Variants in CPEB2 observed in about 807,000 individuals in gnomAD.
The protein encoded by CPEB2 is cytoplasmic polyadenylation element binding protein 2, also known as cytoplasmic polyadenylation element-binding protein 2.
A neutral mutation model predicts 93.6 loss-of-function variants in CPEB2; 56 were observed. The observed-to-expected ratio is 0.60, with a 90% CI of 0.48 to 0.75. CPEB2 has a LOEUF of 0.75. Ranked by LOEUF, CPEB2 falls within the 30% of genes least tolerant of loss-of-function variation. CPEB2 has a pLI of 0.00. For synonymous variants in CPEB2, 764 were observed against 586.3 expected, an observed-to-expected ratio of 1.30 and a Z score of -4.38; for missense variants, 1,579 against 1,395.1, an observed-to-expected ratio of 1.13 and a Z score of -2.10.
chr4:15,062,011 A>C (rs1232058157), intron 10 of CPEB2, 68 bp from the exon 11 acceptor site: 2 of 1,387,790 alleles, frequency 1.4e-6, no homozygotes, highest in Non-Finnish European at 2.0e-6. Context: ...CGTTTTACAA[A>C]AAGTACTTAA....
chr4:15,002,817 G>C lies in CPEB2; in HGVS notation c.144G>C (p.Leu48=). ...CCTCCGCCACGCCCTTCGGCCCACT[G>C]TCGCCACCACCGTTGCCTGTCACCG... ...PLPSATPFGP[L]SPPPLPVTGF... is the part of the protein sequence containing the mutation. The change falls in exon 1 of 12, where the codon CTG becomes CTC. Residue 48 remains leucine, a synonymous_variant. Coordinates refer to ENST00000538197, the MANE Select transcript of CPEB2 (RefSeq NM_001177382.2). 6.5e-7 allele frequency: 1 copy of C among 1,535,378 alleles called. No homozygotes were observed. Among genetic ancestry groups the C allele is most frequent in the Middle Eastern group, 1.7e-4 (1 of 5,938 alleles).
chr4:15,065,655 T>C (rs956010090), intron 11 of CPEB2, among the ~76,000 whole-genome samples: 1 of 152,086 alleles, frequency 6.6e-6, no homozygotes, highest in East Asian at 1.9e-4. Context: ...TTATATCTTA[T>C]AAATTTACAG....
rs28651813 is a variant in CPEB2, at chr4:15,016,696, C to T, written c.2035-492C>T. ...TTACCGTATAAGATGTTTATGCACT[C>T]ATTATTAAATTCAGACTACTATGTC... On this transcript the variant is annotated intron_variant, in intron 3 of 11. Coordinates refer to ENST00000538197, the MANE Select transcript of CPEB2 (RefSeq NM_001177382.2). Among the ~76,000 whole-genome samples the T allele has an allele frequency of 6.5e-3, 993 of 152,030 alleles. 7 individuals carry two copies. Among genetic ancestry groups the T allele is most frequent in the African/African-American group, 0.023 (945 of 41,502 alleles).
chr4:15,013,153 G>A (rs1162620727), intron 3 of CPEB2, among the ~76,000 whole-genome samples: 1 of 151,804 alleles, frequency 6.6e-6, no homozygotes, highest in African/African-American at 2.4e-5. Flanking sequence ...GTAAGTGTTT[G>A]TGGCAAATGT....
At chr4:15,021,302 A>G (rs1577391521) in intron 4 of CPEB2, among the ~76,000 whole-genome samples, 1 of 152,210 alleles carries the variant, frequency 6.6e-6, no homozygotes, top group South Asian at 2.1e-4. Flanking sequence ...TTTCAAAGGA[A>G]GATCATGGAT....
intron 6 of CPEB2, among the ~76,000 whole-genome samples, chr4:15,043,469 T>C (rs1727376566): frequency 6.6e-6 from 1 of 152,142 alleles, no homozygotes; most frequent in African/African-American, 2.4e-5. Flanking sequence ...GAGCTGACTT[T>C]AATATATGGA....
intron 6 of CPEB2, among the ~76,000 whole-genome samples, chr4:15,046,142 A>G (rs1386900224): frequency 6.6e-6 from 1 of 152,226 alleles, no homozygotes; most frequent in East Asian, 1.9e-4. Context: ...TTACTAGTTC[A>G]TAGAGCAAGT....
In CPEB2 at chr4:15,004,052, C is replaced by G; in HGVS notation, c.1379C>G (p.Ala460Gly). Residue 460 changes from alanine to glycine, a missense_variant, in exon 1 of 12, where the codon GCC (alanine) becomes GGC (glycine). By Grantham distance (60) the Ala-to-Gly change is moderately conservative. Transcript: ENST00000538197. ...GGGCTGCCGTCGTCCATGAACCCGG[C>G]CTTCTTCCCTAGCTTCTCGCCCGTG... is the stretch of plus-strand genomic sequence containing the variant. ...YPGLPSSMNP[A>G]FFPSFSPVSP... is the part of the protein sequence containing the mutation. The G allele has an allele frequency of 3.8e-6, 6 of 1,566,804 alleles. No individual in the cohort carries two copies. Among genetic ancestry groups the G allele is most frequent in the Non-Finnish European group, 5.2e-6 (6 of 1,159,254 alleles).
Position 15,052,391 on chromosome 4 carries a change from G to T in CPEB2, c.2201-23G>T, listed in dbSNP as rs372253444. 8.5e-5 allele frequency: 118 copies of T among 1,387,768 alleles called. No individual in the cohort carries two copies. The African/African-American group carries it at 1.5e-3, about 17-fold the overall frequency. The allele number at this position is 1,387,768 out of a possible 1,614,324, so 86.0% of individuals were successfully genotyped here. A position where few individuals can be genotyped will look rare whatever the true frequency, so the allele number is the denominator to read the frequency against. On this transcript the variant is annotated intron_variant, in intron 6 of 11. Coordinates refer to ENST00000538197, the MANE Select transcript of CPEB2 (RefSeq NM_001177382.2). ...TCATTTTCTCAGATCTGAGATTCAA[G>T]TTGTATTTGTTCTTTATTCTAGGTC...
Position 15,003,397 on chromosome 4 carries a change from C to G in CPEB2, c.724C>G (p.Gln242Glu). 3 of 1,370,142 alleles carry G rather than the reference C, an allele frequency of 2.2e-6. No homozygotes were observed. The highest frequency in any genetic ancestry group is 2.8e-6 in the Non-Finnish European group (3 of 1,072,858). 84.9% of individuals were successfully genotyped at this position (1,370,142 alleles called of 1,614,324 possible). Residue 242 changes from glutamine to glutamate, a missense_variant, in exon 1 of 12, where the codon CAG becomes GAG. Around this residue, in one of 2 missense-constraint regions of CPEB2, gnomAD observed 1,411 missense variants for 1,056.0 expected, o/e 1.34. Transcript: ENST00000538197. ...GCAGCAGTTCAGCCTCCTGCATCAGCAGCACCTCTCGCCGCAGGACTTCGC... is the reference window on the plus strand; with the variant it reads ...GCAGCAGTTCAGCCTCCTGCATCAGGAGCACCTCTCGCCGCAGGACTTCGC... Reference protein sequence around the residue: ...PPQQFSLLHQQHLSPQDFAPR... With the variant: ...PPQQFSLLHQEHLSPQDFAPR...
chr4:15,036,683 A>C (rs540281826), intron 5 of CPEB2, among the ~76,000 whole-genome samples: 1 of 152,322 alleles, frequency 6.6e-6, no homozygotes, highest in South Asian at 2.1e-4. Context: ...TTTCAAGAGA[A>C]ACAAATAGAG....
In CPEB2 at chr4:15,003,819, C is replaced by A; in HGVS notation, c.1146C>A (p.Pro382=). ...SPPPLPGFGT[P]WSVQTASPPP... ...CGCCGCTGCCCGGCTTCGGCACCCCCTGGTCGGTGCAGACCGCGTCGCCGC... is the reference window on the plus strand; with the variant it reads ...CGCCGCTGCCCGGCTTCGGCACCCCATGGTCGGTGCAGACCGCGTCGCCGC... The change falls in exon 1 of 12, where the codon CCC becomes CCA. Residue 382 remains proline, a synonymous_variant. Transcript: ENST00000538197. 2.0e-6 allele frequency: 2 copies of A among 985,228 alleles called. No homozygotes were observed. Among genetic ancestry groups the A allele is most frequent in the African/African-American group, 1.7e-5 (1 of 57,206 alleles). The allele number at this position is 985,228 out of a possible 1,614,324, so 61.0% of individuals were successfully genotyped here. A position where few individuals can be genotyped will look rare whatever the true frequency, so the allele number is the denominator to read the frequency against.
intron 10 of CPEB2, among the ~76,000 whole-genome samples, chr4:15,061,186 A>G (rs1194693983): frequency 2.0e-5 from 3 of 152,132 alleles, no homozygotes; most frequent in African/African-American, 7.2e-5. Flanking sequence ...TCCACACTAG[A>G]GATAAAAATG....
Position 15,014,846 on chromosome 4 carries a change from A to C in CPEB2, c.2035-2342A>C, listed in dbSNP as rs562416429. Reference sequence around the variant, plus strand: ...GTTATGAACACAGTATAGTGGAAGCACAGGGAAGATGGAAATATCTGGATA... The same window carrying C: ...GTTATGAACACAGTATAGTGGAAGCCCAGGGAAGATGGAAATATCTGGATA... On this transcript the variant is annotated intron_variant, in intron 3 of 11. Coordinates refer to ENST00000538197, the MANE Select transcript of CPEB2 (RefSeq NM_001177382.2). 6.6e-5 allele frequency among the ~76,000 whole-genome samples: 10 copies of C among 152,238 alleles called. No homozygotes were observed. The South Asian group carries it at 2.1e-3, about 31-fold the overall frequency.
In CPEB2 at chr4:15,002,693, G is replaced by C; in HGVS notation, c.20G>C (p.Gly7Ala). Reference sequence around the variant, plus strand: ...TGATAAATGAGGGATTTCGGGTTTGGGGTGCTGCAGACCGCCCCGCTCCGA... The same window carrying C: ...TGATAAATGAGGGATTTCGGGTTTGCGGTGCTGCAGACCGCCCCGCTCCGA... MRDFGF[G>A]VLQTAPLRSS... Residue 7 changes from glycine (G) to alanine (A), a missense_variant, in exon 1 of 12, where the codon GGG becomes GCG. This residue lies in a region of CPEB2 where 1,411 missense variants were observed against 1,056.0 expected (regional missense o/e 1.34). Coordinates refer to ENST00000538197, the MANE Select transcript of CPEB2 (RefSeq NM_001177382.2). The C allele has an allele frequency of 6.6e-7, 1 of 1,512,926 alleles. No individual in the cohort carries two copies. Among genetic ancestry groups the C allele is most frequent in the Non-Finnish European group, 8.8e-7 (1 of 1,133,792 alleles). 93.7% of individuals were successfully genotyped at this position (1,512,926 alleles called of 1,614,324 possible).
intron 6 of CPEB2, among the ~76,000 whole-genome samples, chr4:15,043,664 T>C (rs1310324186): frequency 6.6e-6 from 1 of 152,030 alleles, no homozygotes; most frequent in East Asian, 1.9e-4. Context: ...TAATAAAGGA[T>C]TAAAGGGCTA....
At chr4:15,061,702 G>A (rs1291271503) in intron 10 of CPEB2, among the ~76,000 whole-genome samples, 1 of 149,058 alleles carries the variant, frequency 6.7e-6, no homozygotes, top group Non-Finnish European at 1.5e-5. Flanking sequence ...AGTGTACTTG[G>A]GAAAATTGAT....
intron 5 of CPEB2, among the ~76,000 whole-genome samples, chr4:15,035,813 T>C (rs2109036427): frequency 6.6e-6 from 1 of 152,296 alleles, no homozygotes; most frequent in South Asian, 2.1e-4. Flanking sequence ...ATGATTTTGA[T>C]GTACACAGAT....
At chr4:15,058,662 T>C in intron 9 of CPEB2, 123 bp downstream of exon 9, 1 of 648,224 alleles carries the variant, frequency 1.5e-6, no homozygotes, top group Non-Finnish European at 2.7e-6. Flanking sequence ...TTTTGAAACA[T>C]CCAGATAATT....
Sources: gnomAD v4.1 joint callset for allele counts (sites outside exome capture counted in the v4.1 genomes callset) on GRCh38, gnomAD v4.1.1 for gene constraint, gnomAD v4.1.1 regional missense constraint, MANE v1.5 for transcripts, NCBI Gene and HGNC (gene_info 2026-07-23, HGNC 2026-07-21) for gene names.